Variants in PVT1 observed in about 807,000 individuals in gnomAD.
PVT1 encodes the protein Pvt1 oncogene, also known as CXCR4/PVT1 fusion.
At chr8:128,022,897 C>T (rs1019921038) in intron 4 of PVT1, among the ~76,000 whole-genome samples, 17 of 149,690 alleles carry the variant, frequency 1.1e-4, no homozygotes, top group African/African-American at 2.5e-4. Context: ...GACAGAGTCC[C>T]GCTCTGTGGC....
chr8:128,089,778 T>C (rs1167178728), intron 5 of PVT1, among the ~76,000 whole-genome samples: 1 of 152,192 alleles, frequency 6.6e-6, no homozygotes, highest in East Asian at 1.9e-4. Context: ...ACCAGGAGGA[T>C]TTCCACAGGG....
intron 4 of PVT1, among the ~76,000 whole-genome samples, chr8:128,056,715 A>G (rs1201494511): frequency 6.6e-6 from 1 of 152,146 alleles, no homozygotes; most frequent in East Asian, 1.9e-4. Context: ...GGTAAAATGC[A>G]GAATCCTGGG....
intron 4 of PVT1, among the ~76,000 whole-genome samples, chr8:127,994,485 C>G (rs1304445286): frequency 6.6e-6 from 1 of 152,186 alleles, no homozygotes; most frequent in African/African-American, 2.4e-5. Context: ...GAGCTTTGTC[C>G]TTCTTTAAAG....
At chr8:127,869,365 A>G (rs1815326731) in intron 2 of PVT1, among the ~76,000 whole-genome samples, 1 of 152,058 alleles carries the variant, frequency 6.6e-6, no homozygotes, top group South Asian at 2.1e-4. Flanking sequence ...TCCTGACCTC[A>G]GGTGATGCAC....
intron 3 of PVT1, among the ~76,000 whole-genome samples, chr8:127,896,355 G>A (rs1815676614): frequency 6.6e-6 from 1 of 152,084 alleles, no homozygotes; most frequent in Non-Finnish European, 1.5e-5. Context: ...TTACACACAG[G>A]CCTCAATGCT....
chr8:128,067,236 A>G (rs1318779536), intron 4 of PVT1, among the ~76,000 whole-genome samples: 2 of 152,150 alleles, frequency 1.3e-5, no homozygotes, highest in African/African-American at 2.4e-5. Context: ...GGGTTTTGCA[A>G]TTTCTCACTG....
At chr8:127,911,519 G>C (rs927228605) in intron 3 of PVT1, among the ~76,000 whole-genome samples, 1 of 152,244 alleles carries the variant, frequency 6.6e-6, no homozygotes, top group Non-Finnish European at 1.5e-5. Flanking sequence ...GTACGGGACT[G>C]GAGGTCTCCG....
rs141823238 is a variant in PVT1, at chr8:127,984,461, A to T, written n.783-4701A>T. Among the ~76,000 whole-genome samples, 784 of 152,336 alleles carry T rather than the reference A, an allele frequency of 5.1e-3. 5 individuals carry two copies. Among genetic ancestry groups the T allele is most frequent in the African/African-American group, 0.016 (684 of 41,574 alleles). On this transcript the variant is annotated intron_variant and non_coding_transcript_variant, in intron 3 of 10. Coordinates refer to ENST00000651587, the Ensembl canonical transcript of PVT1. ...CTGAAACCTAATTTGCCTACCAGGC[A>T]ACAGGAATAAGGACAACAATTAGAC...
intron 3 of PVT1, among the ~76,000 whole-genome samples, chr8:127,900,563 G>A (rs578175766): frequency 1.3e-5 from 2 of 152,312 alleles, no homozygotes; most frequent in African/African-American, 4.8e-5. Context: ...TAACGTATAA[G>A]ATGTCTGCAC....
chr8:127,825,359 A>G (rs912374055), intron 2 of PVT1, among the ~76,000 whole-genome samples: 7 of 152,266 alleles, frequency 4.6e-5, no homozygotes, highest in Middle Eastern at 3.4e-3. Flanking sequence ...ATTACACCAA[A>G]TATTTTTTCC....
intron 2 of PVT1, among the ~76,000 whole-genome samples, chr8:127,883,347 G>A (rs570971566): frequency 1.1e-4 from 16 of 152,252 alleles, no homozygotes; most frequent in African/African-American, 2.2e-4. Flanking sequence ...GAGTGGATGC[G>A]CAGAGGTGGT....
intron 3 of PVT1, among the ~76,000 whole-genome samples, chr8:127,920,835 G>A (rs1278999706): frequency 1.3e-5 from 2 of 152,176 alleles, no homozygotes; most frequent in Non-Finnish European, 2.9e-5. Context: ...TATTCCATAT[G>A]CTTTACAGGT....
At chr8:127,878,972 GA>G (rs1815434792) in intron 2 of PVT1, among the ~76,000 whole-genome samples, 1 of 152,236 alleles carries the variant, frequency 6.6e-6, no homozygotes, top group Non-Finnish European at 1.5e-5. Context: ...CTCTGACAGG[GA>G]GCCAGTCTGG....
chr8:128,065,781 A>C (rs1420515270), intron 4 of PVT1, among the ~76,000 whole-genome samples: 3 of 152,224 alleles, frequency 2.0e-5, no homozygotes, highest in Non-Finnish European at 4.4e-5. Context: ...ACTTCTTAGC[A>C]GCCCACTGAG....
chr8:127,852,346 G>A (rs532791504), intron 2 of PVT1: 1 of 152,266 alleles, frequency 6.6e-6, no homozygotes, highest in Admixed American at 6.5e-5. Flanking sequence ...TCCTTGTCAT[G>A]AGTAAGCTTA....
chr8:128,032,137 C>T (rs185560486), intron 4 of PVT1, among the ~76,000 whole-genome samples: 14 of 152,262 alleles, frequency 9.2e-5, no homozygotes, highest in South Asian at 2.1e-4. Flanking sequence ...CCCAGGAAAC[C>T]GGGCCTTAAG....
At chr8:127,846,192 T>A (rs945892302) in intron 2 of PVT1, among the ~76,000 whole-genome samples, 2 of 152,168 alleles carry the variant, frequency 1.3e-5, no homozygotes, top group African/African-American at 4.8e-5. Context: ...AAGTAACCAG[T>A]CTGGAAATGT....
At chr8:127,997,390 G>A (rs1160970771) in intron 4 of PVT1, among the ~76,000 whole-genome samples, 1 of 152,064 alleles carries the variant, frequency 6.6e-6, no homozygotes, top group African/African-American at 2.4e-5. Context: ...GAAAGCAGGG[G>A]CCTGGATGGC....
chr8:127,812,710 A>C (rs1814612451), intron 2 of PVT1, among the ~76,000 whole-genome samples: 1 of 149,318 alleles, frequency 6.7e-6, no homozygotes, highest in Admixed American at 6.6e-5. Flanking sequence ...GGAGGGAAGG[A>C]GGGAAGAAAA....
Sources: allele counts gnomAD v4.1 joint callset (sites outside exome capture counted in the v4.1 genomes callset), GRCh38; gene constraint gnomAD v4.1.1; transcripts MANE v1.5; gene names NCBI Gene and HGNC (gene_info 2026-07-23, HGNC 2026-07-21).